Variants in SIM1 observed in about 807,000 individuals in gnomAD.
SIM1 encodes SIM bHLH transcription factor 1.
In SIM1, 18 loss-of-function variants were observed where a neutral mutation model predicts 78.2. That is an observed-to-expected ratio of 0.23 (90% CI 0.16 to 0.34). SIM1 has a LOEUF of 0.34. Ranked by LOEUF, SIM1 falls within the 10% of genes least tolerant of loss-of-function variation. SIM1 has a pLI of 1.00. For synonymous variants in SIM1, 417 were observed against 385.2 expected, an observed-to-expected ratio of 1.08 and a Z score of -0.97; for missense variants, 939 against 975.1, an observed-to-expected ratio of 0.96 and a Z score of 0.49.
Position 100,423,176 on chromosome 6 carries a change from G to A in SIM1, c.999-2218C>T, listed in dbSNP as rs892177230. 3.9e-5 allele frequency among the ~76,000 whole-genome samples: 6 copies of A among 152,086 alleles called. No individual in the cohort carries two copies. In the South Asian group the frequency reaches 1.2e-3, roughly 32 times the overall value. On this transcript the variant is annotated intron_variant, in intron 9 of 11. Transcript: ENST00000369208. ...GAAATGCAATATCCTCCAAAATGTG[G>A]CTCCCACTTATTTTTCTGACAATAT...
At chr6:100,447,191 G>C (rs1253208289) in intron 9 of SIM1, 77 bp downstream of exon 9, 3 of 1,530,440 alleles carry the variant, frequency 2.0e-6, no homozygotes, top group Non-Finnish European at 2.7e-6. Context: ...TGTCTAACCC[G>C]GCCGTGCCGC....
At chr6:100,446,909 T>A (rs2114538336) in intron 9 of SIM1, among the ~76,000 whole-genome samples, 1 of 152,362 alleles carries the variant, frequency 6.6e-6, no homozygotes, top group African/African-American at 2.4e-5. Flanking sequence ...TCCTGTTTGT[T>A]AACCATAAAT....
intron 9 of SIM1, among the ~76,000 whole-genome samples, chr6:100,440,388 C>G (rs145708982): frequency 6.6e-6 from 1 of 152,280 alleles, no homozygotes; most frequent in African/African-American, 2.4e-5. Flanking sequence ...TACTGTGGGT[C>G]TTTATAAAAA....
chr6:100,426,428 T>G (rs1008413422), intron 9 of SIM1, among the ~76,000 whole-genome samples: 1 of 152,184 alleles, frequency 6.6e-6, no homozygotes, highest in Non-Finnish European at 1.5e-5. Flanking sequence ...CATCCTTCCC[T>G]TAAGCAATGC....
At chr6:100,400,995 A>G (rs34979551) in intron 10 of SIM1, among the ~76,000 whole-genome samples, 17,086 of 152,080 alleles carry the variant, frequency 0.11, 990 homozygotes, top group Middle Eastern at 0.18. Flanking sequence ...AAAAACAGTT[A>G]TACAGTAAAG....
In SIM1 at chr6:100,389,386, G is replaced by A. The variant is rs1229914260; in HGVS notation, c.*975C>T. ...CAAACACTTAACACTGCTGTCATGT[G>A]GCACTTCACTGGTTTTCCTTTTATT... is the stretch of plus-strand genomic sequence containing the variant. On this transcript the variant is annotated 3_prime_UTR_variant, in exon 12 of 12. Coordinates refer to ENST00000369208, the MANE Select transcript of SIM1 (RefSeq NM_005068.3). 3 of 380,502 alleles carry A rather than the reference G, an allele frequency of 7.9e-6. No individual in the cohort carries two copies. Among genetic ancestry groups the A allele is most frequent in the Non-Finnish European group, 1.4e-5 (3 of 214,964 alleles). The allele number at this position is 380,502 out of a possible 1,614,324, so 23.6% of individuals were successfully genotyped here.
intron 2 of SIM1, among the ~76,000 whole-genome samples, chr6:100,461,171 C>A (rs968585184): frequency 3.8e-4 from 58 of 152,248 alleles, no homozygotes; most frequent in Admixed American, 2.1e-3. Context: ...CCAGCGGGAG[C>A]CTTCATTGGC....
intron 9 of SIM1, among the ~76,000 whole-genome samples, chr6:100,445,515 T>C (rs1772330567): frequency 6.6e-6 from 1 of 152,218 alleles, no homozygotes; most frequent in South Asian, 2.1e-4. Flanking sequence ...AAGGAGTATG[T>C]AAAGTCAGGA....
Position 100,386,346 on chromosome 6 carries a change from C to G in SIM1, c.*4015G>C, listed in dbSNP as rs1014685369. On this transcript the variant is annotated 3_prime_UTR_variant, in exon 12 of 12. Transcript: ENST00000369208. ...AATATCAGCATTCACTCTGTCACTTCTAAATACTACTAGGACTGATAGATT... is the reference window on the plus strand; with the variant it reads ...AATATCAGCATTCACTCTGTCACTTGTAAATACTACTAGGACTGATAGATT... The G allele has an allele frequency of 6.6e-6, 1 of 151,966 alleles. No homozygotes were observed. The highest frequency in any genetic ancestry group is 2.4e-5 in the African/African-American group (1 of 41,418). The allele number at this position is 151,966 out of a possible 1,614,324, so 9.4% of individuals were successfully genotyped here. A position where few individuals can be genotyped will look rare whatever the true frequency, so the allele number is the denominator to read the frequency against.
In SIM1 at chr6:100,393,724, G is replaced by A; in HGVS notation, c.1333C>T (p.Leu445Phe). Residue 445 changes from leucine (L) to phenylalanine (F), a missense_variant, in exon 11 of 12, where the codon CTC (leucine) becomes TTC (phenylalanine). Coordinates refer to ENST00000369208, the MANE Select transcript of SIM1 (RefSeq NM_005068.3). ...TGGTCAAGCGCAAAGCCATAGCAGA[G>A]AGAGCTGCGGTCCGAAAACTGTCTG... ...AYRQFSDRSS[L>F]CYGFALDHSR... The A allele has an allele frequency of 6.2e-7, 1 of 1,614,248 alleles. No individual in the cohort carries two copies. Among genetic ancestry groups the A allele is most frequent in the Non-Finnish European group, 8.5e-7 (1 of 1,180,048 alleles).
In SIM1 at chr6:100,389,960, A is replaced by G. The variant is rs149702521; in HGVS notation, c.*401T>C. The G allele has an allele frequency of 1.3e-5, 5 of 391,114 alleles. No homozygotes were observed. The highest frequency in any genetic ancestry group is 8.2e-5 in the African/African-American group (4 of 48,514). The allele number at this position is 391,114 out of a possible 1,614,324, so 24.2% of individuals were successfully genotyped here. A position where few individuals can be genotyped will look rare whatever the true frequency, so the allele number is the denominator to read the frequency against. On this transcript the variant is annotated 3_prime_UTR_variant, in exon 12 of 12. Transcript: ENST00000369208. ...TTGATGTATTTACATTACATAGCCT[A>G]TATTTCCATATGTAAAATGTATACC...
Position 100,440,173 on chromosome 6 carries a change from C to A in SIM1, c.998+7095G>T, listed in dbSNP as rs77504158. ...TCAGATACTGTGCTATATTCTCTCT[C>A]TATATTATATCATTTAATCCTCCAT... On this transcript the variant is annotated intron_variant, in intron 9 of 11. Coordinates refer to ENST00000369208, the MANE Select transcript of SIM1 (RefSeq NM_005068.3). Among the ~76,000 whole-genome samples the A allele has an allele frequency of 1.4e-3, 208 of 152,232 alleles. 1 individual carries two copies. Among genetic ancestry groups the A allele is most frequent in the East Asian group, 0.012 (63 of 5,176 alleles).
rs1482424696 is a variant in SIM1, at chr6:100,463,489, T to G, written c.-21A>C. ...TTCATTGTGTCTTGTTCCCCCTTTC[T>G]TCTCACAACTTAAGCTCCGCAGATT... On this transcript the variant is annotated 5_prime_UTR_variant, in exon 2 of 12. Transcript: ENST00000369208. 1 of 1,585,984 alleles carries G rather than the reference T, an allele frequency of 6.3e-7. No individual in the cohort carries two copies. Among genetic ancestry groups the G allele is most frequent in the East Asian group, 2.3e-5 (1 of 44,160 alleles).
Position 100,464,719 on chromosome 6 carries a change from G to C in SIM1, c.-573C>G, listed in dbSNP as rs1461519911. 1.3e-5 allele frequency: 2 copies of C among 152,308 alleles called. No homozygotes were observed. Among genetic ancestry groups the C allele is most frequent in the African/African-American group, 4.8e-5 (2 of 41,438 alleles). The allele number at this position is 152,308 out of a possible 1,614,324, so 9.4% of individuals were successfully genotyped here. A position where few individuals can be genotyped will look rare whatever the true frequency, so the allele number is the denominator to read the frequency against. ...ACCGCCGGCCTCTCCGCTTCCCACC[G>C]GCAGAGAGGAGCAGAGCATTCCCGG... On this transcript the variant is annotated 5_prime_UTR_variant, in exon 1 of 12. Transcript: ENST00000369208.
chr6:100,463,436 A>G lies in SIM1; in HGVS notation c.33T>C (p.Thr11=). MKEKSKNAAR[T]RREKENSEFY... ...ATTCACTGTTTTCCTTCTCCCTCCT[A>G]GTCCGCGCAGCATTTTTGGACTTTT... The change falls in exon 2 of 12, where the codon ACT becomes ACC. Residue 11 remains threonine, a synonymous_variant. Transcript: ENST00000369208. 1 of 1,612,152 alleles carries G rather than the reference A, an allele frequency of 6.2e-7. No homozygotes were observed. The highest frequency in any genetic ancestry group is 1.3e-5 in the African/African-American group (1 of 75,036).
chr6:100,411,143 G>T (rs1240225820), intron 10 of SIM1, among the ~76,000 whole-genome samples: 1 of 152,186 alleles, frequency 6.6e-6, no homozygotes. Flanking sequence ...TGGAACTAGG[G>T]CTGAGCCCAT....
At chr6:100,446,138 A>T (rs1772347060) in intron 9 of SIM1, among the ~76,000 whole-genome samples, 2 of 152,202 alleles carry the variant, frequency 1.3e-5, no homozygotes, top group South Asian at 4.1e-4. Context: ...ATTGAATTAA[A>T]TTTTTTTATT....
chr6:100,418,264 G>A (rs1328184396), intron 10 of SIM1, among the ~76,000 whole-genome samples: 1 of 151,896 alleles, frequency 6.6e-6, no homozygotes, highest in Non-Finnish European at 1.5e-5. Flanking sequence ...ATACTACAGG[G>A]AAGTATTGCT....
chr6:100,418,193 A>T (rs1387235544), intron 10 of SIM1, among the ~76,000 whole-genome samples: 8 of 152,046 alleles, frequency 5.3e-5, no homozygotes, highest in Non-Finnish European at 1.2e-4. Context: ...TTAAAAAAAA[A>T]TTTTAAAAAT....
Sources: allele counts gnomAD v4.1 joint callset (sites outside exome capture counted in the v4.1 genomes callset), GRCh38; gene constraint gnomAD v4.1.1; transcripts MANE v1.5; gene names NCBI Gene and HGNC (gene_info 2026-07-23, HGNC 2026-07-21).